Variants in XPO1 observed in about 807,000 individuals in gnomAD.
XPO1 encodes exportin-1.
A neutral mutation model predicts 133.3 loss-of-function variants in XPO1; 5 were observed. That is an observed-to-expected ratio of 0.04 (90% CI 0.02 to 0.08). XPO1 has a LOEUF of 0.08. Ranked by LOEUF, XPO1 falls within the 10% of genes least tolerant of loss-of-function variation. The pLI is 1.00. For missense variants in XPO1, 506 were observed against 1,267.5 expected (o/e 0.40, Z 9.12); for synonymous variants, 419 against 408.2 (o/e 1.03, Z -0.32).
intron 4 of XPO1, among the ~76,000 whole-genome samples, chr2:61,521,890 T>G (rs899442112): frequency 5.9e-5 from 9 of 151,552 alleles, no homozygotes; most frequent in African/African-American, 2.2e-4. Context: ...GATACCCCTG[T>G]CCCCGCCGCC....
chr2:61,533,145 C>T (rs1699231712), intron 2 of XPO1, among the ~76,000 whole-genome samples: 1 of 152,216 alleles, frequency 6.6e-6, no homozygotes, highest in Admixed American at 6.5e-5. Context: ...CGCCACTGCA[C>T]TCCTGCCTGG....
At chr2:61,536,097 A>ATTAT (rs2104862794) in intron 1 of XPO1, 1 of 152,360 alleles carries the variant, frequency 6.6e-6, no homozygotes, top group African/African-American at 2.4e-5. Flanking sequence ...TTCTTATAAA[A>ATTAT]TTCTCCGAAC....
In XPO1 at chr2:61,492,908, A is replaced by G; in HGVS notation, c.1384+7T>C. Reference sequence around the variant, plus strand: ...AAGGTAAAGATTAACAGTATTTATTAACTTACCCAATGTTTCCCTCATATT... The same window carrying G: ...AAGGTAAAGATTAACAGTATTTATTGACTTACCCAATGTTTCCCTCATATT... On this transcript the variant is annotated splice_region_variant and intron_variant, in intron 13 of 24. Coordinates refer to ENST00000401558, the MANE Select transcript of XPO1 (RefSeq NM_003400.4). The surrounding 1 kb of genome is among the most constrained non-coding windows in gnomAD (Gnocchi z 5.6). 6.3e-7 allele frequency: 1 copy of G among 1,592,622 alleles called. No homozygotes were observed. Among genetic ancestry groups the G allele is most frequent in the Non-Finnish European group, 8.5e-7 (1 of 1,171,618 alleles).
chr2:61,516,683 G>C (rs1316666994), intron 4 of XPO1, among the ~76,000 whole-genome samples: 1 of 152,002 alleles, frequency 6.6e-6, no homozygotes, highest in African/African-American at 2.4e-5. Context: ...CAAAGTGCTG[G>C]GATTACAGGC....
At chr2:61,505,818 G>A (rs559863578) in intron 4 of XPO1, among the ~76,000 whole-genome samples, 7 of 151,928 alleles carry the variant, frequency 4.6e-5, no homozygotes, top group Non-Finnish European at 7.4e-5. Flanking sequence ...TCGGCCTCCC[G>A]AAGTGCTGGG....
intron 5 of XPO1, 65 bp downstream of exon 5, chr2:61,502,184 T>TGTCAAGACTCAATTAG: frequency 1.9e-6 from 3 of 1,574,792 alleles, no homozygotes; most frequent in Non-Finnish European, 2.6e-6. Flanking sequence ...AGAATTAGGT[T>TGTCAAGACTCAATTAG]GTAGTCAGAC....
At position 61,488,856 on chromosome 2, in the gene XPO1, C is replaced by T. The variant is rs1392453241; in HGVS notation, c.2023-85G>A. The stretch of plus-strand genomic sequence containing the variant: ...GTGGCTCACGCCTGTAATCCCAGCA[C>T]TCTGAGAGGCCGAGGCGGGCGGATG... On this transcript the variant is annotated intron_variant, in intron 17 of 24. Transcript: ENST00000401558. 20 of 1,444,656 alleles carry T rather than the reference C, an allele frequency of 1.4e-5. No individual in the cohort carries two copies. In the East Asian group the frequency reaches 2.7e-4, roughly 20 times the overall value. 89.5% of individuals were successfully genotyped at this position (1,444,656 alleles called of 1,614,324 possible). A position where few individuals can be genotyped will look rare whatever the true frequency, so the allele number is the denominator to read the frequency against.
chr2:61,491,261 G>C (rs188926931), intron 16 of XPO1, among the ~76,000 whole-genome samples: 1 of 152,086 alleles, frequency 6.6e-6, no homozygotes, highest in Admixed American at 6.6e-5. Context: ...AGGAGTTGGA[G>C]ATGAGCCTGA....
chr2:61,537,852 A>C lies in XPO1; in HGVS notation c.-297T>G. The C allele has an allele frequency of 6.6e-6, 1 of 152,658 alleles. No individual in the cohort carries two copies. Among genetic ancestry groups the C allele is most frequent in the Admixed American group, 6.6e-5 (1 of 15,084 alleles). The allele number at this position is 152,658 out of a possible 1,614,324, so 9.5% of individuals were successfully genotyped here. ...TCCCGCCCGGCTGGGGAGTGAGGGA[A>C]GGGGGAGGGAACGGGGTCAAGTCCC... On this transcript the variant is annotated 5_prime_UTR_variant, in exon 1 of 25. Coordinates refer to ENST00000401558, the MANE Select transcript of XPO1 (RefSeq NM_003400.4).
rs555640068 is a variant in XPO1 at position 61,524,275 on chromosome 2, T to C, written c.229-1592A>G. ...AACCCACCATAAATATAGTTACAAA[T>C]AAAAATCTTAAAGATAACTTCATCT... On this transcript the variant is annotated intron_variant, in intron 3 of 24. Transcript: ENST00000401558. 3.2e-3 allele frequency among the ~76,000 whole-genome samples: 493 copies of C among 152,292 alleles called. 1 individual carries two copies. The highest frequency in any genetic ancestry group is 5.3e-3 in the Non-Finnish European group (357 of 68,000).
At chr2:61,534,643 CCA>C (rs1699286113) in intron 1 of XPO1, 1 of 152,164 alleles carries the variant, frequency 6.6e-6, no homozygotes. Flanking sequence ...AGATGCACCA[CCA>C]CACTCTAGCC....
Position 61,535,005 on chromosome 2 carries a change from T to C in XPO1, c.-6-1102A>G, listed in dbSNP as rs1006235773. 2.6e-5 allele frequency among the ~76,000 whole-genome samples: 4 copies of C among 152,336 alleles called. No homozygotes were observed. In the East Asian group the frequency reaches 7.7e-4, roughly 29 times the overall value. ...TTGGCAAGGTAAAAGCTGTAAAAGCTTGCCCATTCCCAAATAAAAAAGAAT... is the reference window on the plus strand; with the variant it reads ...TTGGCAAGGTAAAAGCTGTAAAAGCCTGCCCATTCCCAAATAAAAAAGAAT... On this transcript the variant is annotated intron_variant, in intron 1 of 24. Transcript: ENST00000401558.
chr2:61,491,018 G>A (rs932465549), intron 16 of XPO1, among the ~76,000 whole-genome samples: 3 of 152,120 alleles, frequency 2.0e-5, no homozygotes, highest in Admixed American at 6.6e-5. Flanking sequence ...TTAGCCAAGC[G>A]TGGTGGCAGG....
chr2:61,498,344 T>C (rs1697342419), intron 9 of XPO1, among the ~76,000 whole-genome samples: 1 of 152,224 alleles, frequency 6.6e-6, no homozygotes, highest in Non-Finnish European at 1.5e-5. Flanking sequence ...TGGTATCAAT[T>C]TTAAATTATC....
chr2:61,528,732 T>TA (rs1699020696), intron 2 of XPO1, among the ~76,000 whole-genome samples: 7 of 79,998 alleles, frequency 8.8e-5, no homozygotes, highest in Admixed American at 3.3e-4. Context: ...CGACATTTTA[T>TA]TTATATATAT....
At chr2:61,536,792 A>C (rs1323863015) in intron 1 of XPO1, 2 of 152,340 alleles carry the variant, frequency 1.3e-5, no homozygotes, top group African/African-American at 4.8e-5. Flanking sequence ...CCTCGGCGTG[A>C]TCAGAGGAGG....
chr2:61,519,380 C>T (rs1698570223), intron 4 of XPO1, among the ~76,000 whole-genome samples: 1 of 151,964 alleles, frequency 6.6e-6, no homozygotes, highest in Admixed American at 6.6e-5. Context: ...ATACAAGAGG[C>T]CTAAATTGAA....
At position 61,515,919 on chromosome 2, in the gene XPO1, TA is replaced by T. The variant is rs869071296; in HGVS notation, c.301+6691del. 5.2e-3 allele frequency among the ~76,000 whole-genome samples: 487 copies of T among 93,156 alleles called. 1 individual carries two copies. Among genetic ancestry groups the T allele is most frequent in the Non-Finnish European group, 5.6e-3 (276 of 49,174 alleles). The allele number at this position is 93,156 out of a possible 152,430, so 61.1% of individuals were successfully genotyped here. A position where few individuals can be genotyped will look rare whatever the true frequency, so the allele number is the denominator to read the frequency against. ...TAACACGGTGAAACCCCATCTCTACTAAAAAAAAAAAAAAAAACCACACACA... is the reference window on the plus strand; with the variant it reads ...TAACACGGTGAAACCCCATCTCTACTAAAAAAAAAAAAAAAACCACACACA... On this transcript the variant is annotated intron_variant, in intron 4 of 24. Coordinates refer to ENST00000401558, the MANE Select transcript of XPO1 (RefSeq NM_003400.4).
intron 2 of XPO1, 79 bp downstream of exon 2, chr2:61,533,693 A>G (rs1179389858): frequency 1.5e-6 from 2 of 1,328,452 alleles, no homozygotes; most frequent in Non-Finnish European, 9.8e-7. Context: ...TTTAAAGGTG[A>G]TAATTTAAAA....
Sources: gnomAD v4.1 joint callset for allele counts (sites outside exome capture counted in the v4.1 genomes callset) on GRCh38, gnomAD v4.1.1 for gene constraint, Gnocchi (gnomAD v3.1) non-coding constraint, MANE v1.5 for transcripts, NCBI Gene and HGNC (gene_info 2026-07-23, HGNC 2026-07-21) for gene names.